STOX2: variants seen among roughly 807,000 people sequenced by gnomAD.
STOX2 encodes the protein storkhead box 2, also known as storkhead-box protein 2.
STOX2 carries 28 observed loss-of-function variants against 60.9 expected under a neutral mutation model. The ratio of observed to expected loss-of-function variants is 0.46; its 90% confidence interval spans 0.34 to 0.63. STOX2 has a LOEUF of 0.63. Among genes scored for constraint, STOX2 ranks in the 30% least tolerant of loss-of-function variants. The probability of loss-of-function intolerance (pLI) is 0.01; values close to 1 mark genes in which losing one functional copy is unlikely to be tolerated. For missense variants in STOX2, 1,024 were observed against 1,187.7 expected (o/e 0.86, Z 2.03); for synonymous variants, 472 against 463.9 (o/e 1.02, Z -0.22).
chr4:183,989,197 T>TGGTTTGGTTTG (rs370882959), intron 1 of STOX2, among the ~76,000 whole-genome samples: 1 of 85,304 alleles, frequency 1.2e-5, no homozygotes, highest in South Asian at 4.0e-4. Context: ...TTTTTTTGTT[T>TGGTTTGGTTTG]GTTTGGTTTG....
intron 1 of STOX2, among the ~76,000 whole-genome samples, chr4:183,828,483 A>G (rs181122733): frequency 2.0e-5 from 3 of 152,082 alleles, no homozygotes; most frequent in Admixed American, 2.0e-4. Flanking sequence ...TTTTCTTGCA[A>G]GTTGTTATGT....
chr4:183,878,300 A>G (rs886617961), intron 1 of STOX2, among the ~76,000 whole-genome samples: 5 of 152,220 alleles, frequency 3.3e-5, no homozygotes, highest in African/African-American at 4.8e-5. Context: ...AAGAAAAACT[A>G]AAATGCAGGC....
rs143422987 is a variant in STOX2 at position 183,843,329 on chromosome 4, G to A, written c.364+45274G>A. On this transcript the variant is annotated intron_variant, in intron 1 of 2. Transcript: ENST00000513034. ...ACGTCACCCTGACCCGTAGGACTCC[G>A]CAGAACTCAGTGTGAAAAACACCAA... Among the ~76,000 whole-genome samples the A allele has an allele frequency of 2.3e-3, 357 of 152,216 alleles. 2 individuals carry two copies. The highest frequency in any genetic ancestry group is 8.1e-3 in the African/African-American group (336 of 41,534).
In STOX2 at chr4:184,009,186, G is replaced by A; in HGVS notation, c.348G>A (p.Leu116=). The part of the protein sequence containing the change: ...PGVPTPSQEI[L]RHTLNTLVRE... Reference sequence around the variant, plus strand: ...TTCCAACGCCAAGCCAAGAAATTCTGCGGCACACGCTGAACACGCTGGTAC... The same window carrying A: ...TTCCAACGCCAAGCCAAGAAATTCTACGGCACACGCTGAACACGCTGGTAC... Residue 116 remains leucine, a synonymous_variant, in exon 3 of 4, where the codon CTG becomes CTA. Coordinates refer to ENST00000308497, the MANE Select transcript of STOX2 (RefSeq NM_020225.3). This position sits in a 1 kb window ranked among gnomAD's most constrained non-coding sequence, Gnocchi z 4.0. 8.9e-7 allele frequency: 1 copy of A among 1,125,020 alleles called. No individual in the cohort carries two copies. The allele number at this position is 1,125,020 out of a possible 1,614,324, so 69.7% of individuals were successfully genotyped here. A position where few individuals can be genotyped will look rare whatever the true frequency, so the allele number is the denominator to read the frequency against.
intron 1 of STOX2, among the ~76,000 whole-genome samples, chr4:183,962,817 GT>G (rs1743451172): frequency 1.3e-5 from 2 of 152,216 alleles, no homozygotes; most frequent in African/African-American, 4.8e-5. Context: ...GAAAAACAGT[GT>G]GCTTTTAGAT....
At chr4:184,013,671 A>G (rs1205002964) in intron 3 of STOX2, among the ~76,000 whole-genome samples, 2 of 152,232 alleles carry the variant, frequency 1.3e-5, no homozygotes, top group African/African-American at 4.8e-5. Context: ...ATCCAGGAGT[A>G]ATGTTCTGCA....
intron 1 of STOX2, among the ~76,000 whole-genome samples, chr4:183,911,366 A>G (rs1411015144): frequency 6.6e-6 from 1 of 152,230 alleles, no homozygotes; most frequent in Non-Finnish European, 1.5e-5. Flanking sequence ...GCAAGTTTTA[A>G]TAAAGAGCGT....
intron 1 of STOX2, among the ~76,000 whole-genome samples, chr4:183,979,929 T>C (rs973410147): frequency 1.3e-5 from 2 of 152,192 alleles, no homozygotes; most frequent in Non-Finnish European, 2.9e-5. Context: ...GTGATGAGAA[T>C]GTTTGGCCAG....
chr4:183,935,435 G>A (rs1742565060), intron 1 of STOX2, among the ~76,000 whole-genome samples: 1 of 152,264 alleles, frequency 6.6e-6, no homozygotes, highest in Admixed American at 6.5e-5. Context: ...TAACGCTCTA[G>A]AGAATTATAA....
intron 1 of STOX2, among the ~76,000 whole-genome samples, chr4:183,888,461 C>T (rs535397224): frequency 3.3e-5 from 5 of 152,320 alleles, no homozygotes; most frequent in African/African-American, 1.2e-4. Flanking sequence ...GCATTCTGTA[C>T]TCTGTACCTC....
intron 1 of STOX2, among the ~76,000 whole-genome samples, chr4:183,924,352 C>T (rs550234992): frequency 5.9e-5 from 9 of 152,152 alleles, no homozygotes; most frequent in African/African-American, 1.9e-4. Context: ...GGGGGCTGGA[C>T]CCCCACAGAG....
intron 1 of STOX2, among the ~76,000 whole-genome samples, chr4:183,818,209 A>G (rs1579297827): frequency 6.6e-6 from 1 of 151,976 alleles, no homozygotes; most frequent in Non-Finnish European, 1.5e-5. Flanking sequence ...AAGTGAACAA[A>G]GGTCTCTGGT....
intron 1 of STOX2, among the ~76,000 whole-genome samples, chr4:183,804,053 C>T (rs776227231): frequency 2.0e-5 from 3 of 152,204 alleles, no homozygotes; most frequent in East Asian, 1.9e-4. Flanking sequence ...GAATAGAGAG[C>T]GCTGGGGAGA....
rs550421790 is a variant in STOX2 at position 183,841,162 on chromosome 4, G to C, written c.364+43107G>C. Among the ~76,000 whole-genome samples the C allele has an allele frequency of 2.1e-4, 32 of 152,008 alleles. No homozygotes were observed. In the South Asian group the frequency reaches 6.7e-3, roughly 32 times the overall value. On this transcript the variant is annotated intron_variant, in intron 1 of 2. Coordinates refer to the STOX2 transcript ENST00000513034. The stretch of plus-strand genomic sequence containing the variant: ...TTACAGGCGTGTGTCACCACGCCCG[G>C]TTCAGTTTTCATCGTAGTATTTATT...
chr4:183,845,054 A>G (rs1171002657), intron 1 of STOX2, among the ~76,000 whole-genome samples: 1 of 152,246 alleles, frequency 6.6e-6, no homozygotes, highest in East Asian at 1.9e-4. Context: ...TAGATTCCCA[A>G]TCAGGTGACC....
At chr4:183,805,420 G>A (rs1479023987) in intron 1 of STOX2, among the ~76,000 whole-genome samples, 1 of 152,204 alleles carries the variant, frequency 6.6e-6, no homozygotes, top group Non-Finnish European at 1.5e-5. Context: ...CAAAGTACAA[G>A]CTTTGGATCT....
chr4:183,957,354 C>T (rs1400468683), intron 1 of STOX2, among the ~76,000 whole-genome samples: 3 of 152,056 alleles, frequency 2.0e-5, no homozygotes, highest in Non-Finnish European at 4.4e-5. Context: ...TGTTTTCCAA[C>T]AGCCTTTGAC....
chr4:183,958,073 C>G (rs112903728), intron 1 of STOX2, among the ~76,000 whole-genome samples: 1,026 of 94,192 alleles, frequency 0.011, 23 homozygotes, highest in African/African-American at 0.027. Context: ...ATGGTATTTA[C>G]AACCCAAGAT....
intron 1 of STOX2, among the ~76,000 whole-genome samples, chr4:183,841,910 G>GA (rs551783951): frequency 1.1e-4 from 17 of 151,316 alleles, no homozygotes; most frequent in South Asian, 4.2e-4. Context: ...ATTTATATGG[G>GA]AAAAAAAAAC....
Sources: gnomAD v4.1 joint callset for allele counts (sites outside exome capture counted in the v4.1 genomes callset) on GRCh38, gnomAD v4.1.1 for gene constraint, Gnocchi (gnomAD v3.1) non-coding constraint, MANE v1.5 for transcripts, NCBI Gene and HGNC (gene_info 2026-07-23, HGNC 2026-07-21) for gene names.